PRKCE: variants seen among roughly 807,000 people sequenced by gnomAD.
PRKCE encodes protein kinase C epsilon type.
In PRKCE, 16 loss-of-function variants were observed where a neutral mutation model predicts 85.4. The ratio of observed to expected loss-of-function variants is 0.19; its 90% CI spans 0.13 to 0.28. PRKCE has a LOEUF of 0.28. Ranked by LOEUF, PRKCE falls within the 10% of genes least tolerant of loss-of-function variation. The pLI is 1.00. For missense variants in PRKCE, 573 were observed against 975.2 expected (o/e 0.59, Z 5.49); for synonymous variants, 388 against 371.5 (o/e 1.04, Z -0.51).
intron 1 of PRKCE, among the ~76,000 whole-genome samples, chr2:45,715,179 A>C (rs1483931493): frequency 6.6e-6 from 1 of 152,260 alleles, no homozygotes; most frequent in Admixed American, 6.5e-5. Flanking sequence ...AACCGTGTGC[A>C]TGACGCTGTG....
chr2:46,009,390 G>T (rs1489559210), intron 9 of PRKCE, among the ~76,000 whole-genome samples: 1 of 152,148 alleles, frequency 6.6e-6, no homozygotes, highest in African/African-American at 2.4e-5. Flanking sequence ...CAAAGGAGAC[G>T]TGAATAATTT....
chr2:45,694,321 C>T (rs774364394), intron 1 of PRKCE, among the ~76,000 whole-genome samples: 7 of 152,068 alleles, frequency 4.6e-5, no homozygotes, highest in Admixed American at 1.3e-4. Context: ...GCTTTGCCCT[C>T]GCCCCTGCCT....
chr2:46,175,014 A>C (rs1046052718), intron 14 of PRKCE, among the ~76,000 whole-genome samples: 7 of 152,102 alleles, frequency 4.6e-5, no homozygotes, highest in Non-Finnish European at 1.5e-5. Flanking sequence ...ACAGCCTGCA[A>C]TTTTAGCCAG....
chr2:45,751,525 A>G (rs557364318), intron 1 of PRKCE, among the ~76,000 whole-genome samples: 6 of 152,158 alleles, frequency 3.9e-5, no homozygotes, highest in South Asian at 2.1e-4. Flanking sequence ...AACAGTTCCT[A>G]TGTATAACTC....
intron 1 of PRKCE, among the ~76,000 whole-genome samples, chr2:45,699,969 C>G (rs1290110909): frequency 6.6e-6 from 1 of 152,008 alleles, no homozygotes; most frequent in African/African-American, 2.4e-5. Flanking sequence ...GGTGATAGCT[C>G]TCTGGTTTTC....
chr2:46,075,690 A>C (rs929819002), intron 10 of PRKCE, among the ~76,000 whole-genome samples: 15 of 152,226 alleles, frequency 9.9e-5, no homozygotes, highest in Admixed American at 9.8e-4. Context: ...CCAAGGCTGC[A>C]GTGAGCCAAA....
chr2:45,840,971 G>A (rs1208195133), intron 1 of PRKCE, among the ~76,000 whole-genome samples: 1 of 152,184 alleles, frequency 6.6e-6, no homozygotes, highest in Non-Finnish European at 1.5e-5. Flanking sequence ...GAGGGTGAAT[G>A]TTCCCAGAAT....
intron 1 of PRKCE, among the ~76,000 whole-genome samples, chr2:45,663,158 TTGTACACGTCTGTTTAACCAGATA>T (rs1675754961): frequency 1.3e-5 from 2 of 152,276 alleles, no homozygotes; most frequent in East Asian, 3.9e-4. Context: ...GCAAAGCGAG[TTGTACACGTCTGTTTAACCAGATA>T]TGTCCCCAAA....
intron 1 of PRKCE, among the ~76,000 whole-genome samples, chr2:45,664,662 ATT>A (rs1390621560): frequency 6.6e-6 from 1 of 152,168 alleles, no homozygotes; most frequent in Admixed American, 6.5e-5. Flanking sequence ...GGGAACATGG[ATT>A]ACCTTCCCTT....
intron 11 of PRKCE, among the ~76,000 whole-genome samples, chr2:46,087,912 C>T (rs1004916830): frequency 2.0e-5 from 3 of 152,172 alleles, no homozygotes; most frequent in Non-Finnish European, 4.4e-5. Flanking sequence ...TCTTTTCTGC[C>T]GTAAGTCTCT....
intron 11 of PRKCE, among the ~76,000 whole-genome samples, chr2:46,086,902 C>A (rs1190437860): frequency 6.6e-6 from 1 of 152,074 alleles, no homozygotes; most frequent in Non-Finnish European, 1.5e-5. Context: ...TGCAGATCAT[C>A]CAATCCTTTA....
chr2:45,861,554 G>A lies in PRKCE; in HGVS notation c.412+18491G>A, dbSNP rs550755308. 5.2e-4 allele frequency among the ~76,000 whole-genome samples: 79 copies of A among 152,288 alleles called. 1 individual carries two copies. The highest frequency in any genetic ancestry group is 4.6e-3 in the Admixed American group (70 of 15,300). On this transcript the variant is annotated intron_variant, in intron 2 of 14. Transcript: ENST00000306156. ...TTCTTCAATAAATACCTCTTCGCAT[G>A]AGGCTTCAGGTCCCCAAGACTGGCT...
intron 2 of PRKCE, 135 bp downstream of exon 2, chr2:45,843,198 T>C: frequency 1.2e-6 from 1 of 807,944 alleles, no homozygotes; most frequent in Non-Finnish European, 2.0e-6. Context: ...GAAAAGGTTA[T>C]TTTGAAGATG....
chr2:45,692,385 G>A (rs573152659), intron 1 of PRKCE, among the ~76,000 whole-genome samples: 2 of 152,146 alleles, frequency 1.3e-5, no homozygotes, highest in South Asian at 2.1e-4. Flanking sequence ...TGTTAGCACC[G>A]CTCTGCTCCC....
intron 1 of PRKCE, among the ~76,000 whole-genome samples, chr2:45,743,450 T>C (rs555724459): frequency 1.3e-5 from 2 of 152,238 alleles, no homozygotes; most frequent in South Asian, 4.2e-4. Flanking sequence ...AGTCTTTCTC[T>C]CCAGCTATTT....
chr2:46,055,773 C>T (rs113583455), intron 10 of PRKCE, among the ~76,000 whole-genome samples: 6,875 of 152,176 alleles, frequency 0.045, 427 homozygotes, highest in African/African-American at 0.14. Flanking sequence ...AGTGATGCTC[C>T]CACCTCAGCC....
At chr2:45,897,579 C>T (rs1030585335) in intron 2 of PRKCE, among the ~76,000 whole-genome samples, 1 of 152,070 alleles carries the variant, frequency 6.6e-6, no homozygotes, top group African/African-American at 2.4e-5. Context: ...GGCACTTTGC[C>T]CATGATAATT....
intron 1 of PRKCE, among the ~76,000 whole-genome samples, chr2:45,816,009 C>G (rs1048138234): frequency 6.6e-6 from 1 of 152,204 alleles, no homozygotes; most frequent in South Asian, 2.1e-4. Flanking sequence ...GCGATTAATG[C>G]AAGACACATC....
At chr2:46,108,999 C>G (rs544493044) in intron 11 of PRKCE, among the ~76,000 whole-genome samples, 12 of 151,942 alleles carry the variant, frequency 7.9e-5, no homozygotes, top group Non-Finnish European at 1.8e-4. Context: ...TGTCAAAACT[C>G]AGTTGGCTGT....
Sources: gnomAD v4.1 joint callset for allele counts (sites outside exome capture counted in the v4.1 genomes callset) on GRCh38, gnomAD v4.1.1 for gene constraint, MANE v1.5 for transcripts, NCBI Gene and HGNC (gene_info 2026-07-23, HGNC 2026-07-21) for gene names.